STAC: variants seen among roughly 807,000 people sequenced by gnomAD.
STAC encodes SH3 and cysteine-rich domain-containing protein.
In STAC, 43 loss-of-function variants were observed where a neutral mutation model predicts 48.8. That is an observed-to-expected ratio of 0.88 (90% confidence interval 0.69 to 1.14). STAC has a LOEUF of 1.14. Among genes scored for constraint, STAC ranks in the 50% most tolerant of loss-of-function variants. The probability of loss-of-function intolerance (pLI) is 0.00; values close to 1 mark genes in which losing one functional copy is unlikely to be tolerated. For missense variants in STAC, 497 were observed against 504.0 expected, an observed-to-expected ratio of 0.99 and a Z score of 0.13; for synonymous variants, 193 against 179.5, an observed-to-expected ratio of 1.07 and a Z score of -0.60.
At chr3:36,472,288 C>T (rs1277368925) in intron 2 of STAC, among the ~76,000 whole-genome samples, 1 of 152,194 alleles carries the variant, frequency 6.6e-6, no homozygotes, top group Non-Finnish European at 1.5e-5. Flanking sequence ...GGGCCCTGGG[C>T]CCGGCCCACG....
intron 10 of STAC, among the ~76,000 whole-genome samples, chr3:36,540,428 G>A (rs570494883): frequency 6.6e-6 from 1 of 152,284 alleles, no homozygotes; most frequent in South Asian, 2.1e-4. Context: ...ACCCTAGATT[G>A]TCTAGGTGGA....
At chr3:36,515,371 A>G (rs1333563270) in intron 8 of STAC, among the ~76,000 whole-genome samples, 1 of 152,130 alleles carries the variant, frequency 6.6e-6, no homozygotes, top group Non-Finnish European at 1.5e-5. Context: ...TTATTTTGCC[A>G]GGGTTGAGAA....
chr3:36,492,031 A>AAAAAAAAAATATATATATAT (rs1553639882), intron 5 of STAC, among the ~76,000 whole-genome samples: 1 of 16,440 alleles, frequency 6.1e-5, no homozygotes, highest in Non-Finnish European at 1.2e-4. Flanking sequence ...AAAAAAAAAA[A>AAAAAAAAAATATATATATAT]ATATATATAT....
chr3:36,434,840 C>T (rs1247743131), intron 1 of STAC, among the ~76,000 whole-genome samples: 2 of 152,208 alleles, frequency 1.3e-5, no homozygotes, highest in African/African-American at 4.8e-5. Context: ...TTTCTGCATT[C>T]CCTGACTAAT....
chr3:36,437,247 A>G (rs1175684794), intron 1 of STAC, among the ~76,000 whole-genome samples: 2 of 150,168 alleles, frequency 1.3e-5, no homozygotes, highest in African/African-American at 2.4e-5. Context: ...AACTAGAAAT[A>G]CCATTTGACC....
rs148820256 is a variant in STAC at position 36,447,561 on chromosome 3, G to A, written c.388+3921G>A. The stretch of plus-strand genomic sequence containing the variant: ...TTGTTTGACCATTAGGTTGTTTTCT[G>A]ACCTATTCTGACCTCATCCCATTGC... On this transcript the variant is annotated intron_variant, in intron 2 of 10. Coordinates refer to ENST00000273183, the MANE Select transcript of STAC (RefSeq NM_003149.3). Among the ~76,000 whole-genome samples the A allele has an allele frequency of 6.1e-3, 933 of 151,878 alleles. 6 individuals carry two copies. The highest frequency in any genetic ancestry group is 8.3e-3 in the Non-Finnish European group (566 of 67,976).
At chr3:36,466,758 G>A (rs1427402981) in intron 2 of STAC, among the ~76,000 whole-genome samples, 1 of 152,078 alleles carries the variant, frequency 6.6e-6, no homozygotes, top group Non-Finnish European at 1.5e-5. Context: ...TGACTCTTTA[G>A]GGTTTTCTAG....
chr3:36,539,806 G>C (rs1699281318), intron 10 of STAC, among the ~76,000 whole-genome samples: 1 of 152,104 alleles, frequency 6.6e-6, no homozygotes, highest in African/African-American at 2.4e-5. Flanking sequence ...CATATTTTCT[G>C]TAATTTTTAA....
intron 2 of STAC, among the ~76,000 whole-genome samples, chr3:36,452,360 C>A (rs536222512): frequency 4.6e-5 from 7 of 151,992 alleles, no homozygotes; most frequent in Non-Finnish European, 1.0e-4. Context: ...CATGTCTTTC[C>A]TTATGGCATT....
chr3:36,534,442 A>G (rs866076273), intron 10 of STAC, among the ~76,000 whole-genome samples: 1 of 152,224 alleles, frequency 6.6e-6, no homozygotes, highest in Non-Finnish European at 1.5e-5. Flanking sequence ...TATGATATTT[A>G]TAACCCTACA....
At chr3:36,482,007 A>G (rs1369203534) in intron 2 of STAC, among the ~76,000 whole-genome samples, 2 of 152,002 alleles carry the variant, frequency 1.3e-5, no homozygotes, top group African/African-American at 4.8e-5. Flanking sequence ...TCTCTCCACT[A>G]CCTCACCTTT....
intron 2 of STAC, among the ~76,000 whole-genome samples, chr3:36,445,079 C>A (rs959960223): frequency 6.6e-6 from 1 of 152,102 alleles, no homozygotes; most frequent in African/African-American, 2.4e-5. Context: ...TGATGATGAG[C>A]CTCTATTTTA....
At chr3:36,478,438 A>G (rs1030569921) in intron 2 of STAC, among the ~76,000 whole-genome samples, 1 of 152,192 alleles carries the variant, frequency 6.6e-6, no homozygotes, top group African/African-American at 2.4e-5. Flanking sequence ...ATATGCCTTC[A>G]CAGATTTGTC....
chr3:36,386,370 A>C (rs1295602211), intron 1 of STAC, among the ~76,000 whole-genome samples: 2 of 151,286 alleles, frequency 1.3e-5, no homozygotes, highest in Non-Finnish European at 3.0e-5. Context: ...GAGAACGTTG[A>C]GAGAAAAAAT....
intron 2 of STAC, among the ~76,000 whole-genome samples, chr3:36,462,946 T>C (rs1697060543): frequency 6.6e-6 from 1 of 152,198 alleles, no homozygotes; most frequent in South Asian, 2.1e-4. Context: ...AATATAACAA[T>C]TTTATATGAT....
At chr3:36,402,298 G>T (rs971662367) in intron 1 of STAC, among the ~76,000 whole-genome samples, 1 of 151,866 alleles carries the variant, frequency 6.6e-6, no homozygotes, top group Non-Finnish European at 1.5e-5. Context: ...TGGAGGGGAA[G>T]AAGAAGGAAG....
At chr3:36,383,044 A>G (rs1404815527) in intron 1 of STAC, among the ~76,000 whole-genome samples, 1 of 152,148 alleles carries the variant, frequency 6.6e-6, no homozygotes, top group Non-Finnish European at 1.5e-5. Context: ...AGTAACAAAT[A>G]CTCTTTGTAG....
In STAC at chr3:36,427,444, T is replaced by G. The variant is rs191101992; in HGVS notation, c.112-15920T>G. On this transcript the variant is annotated intron_variant, in intron 1 of 10. Transcript: ENST00000273183. ...AGCCATTTATGTGCTTTGTTCTGTC[T>G]CCCCAAAGTGTCTACAGGCTGCCTG... 5.8e-4 allele frequency among the ~76,000 whole-genome samples: 89 copies of G among 152,238 alleles called. 1 individual carries two copies. In the East Asian group the frequency reaches 0.016, roughly 28 times the overall value.
intron 2 of STAC, among the ~76,000 whole-genome samples, chr3:36,450,372 C>T (rs1457878960): frequency 1.3e-5 from 2 of 152,234 alleles, no homozygotes; most frequent in South Asian, 2.1e-4. Context: ...ATCAAGGCTC[C>T]AGCCTGCCCA....
Sources: gnomAD v4.1 joint callset for allele counts (sites outside exome capture counted in the v4.1 genomes callset) on GRCh38, gnomAD v4.1.1 for gene constraint, MANE v1.5 for transcripts, NCBI Gene and HGNC (gene_info 2026-07-23, HGNC 2026-07-21) for gene names.